TSACC: variants seen among roughly 807,000 people sequenced by gnomAD.
TSACC encodes the protein TSSK6-activating co-chaperone protein.
TSACC carries 3 observed loss-of-function variants against 6.9 expected under a neutral mutation model. The observed-to-expected ratio is 0.43, with a 90% CI of 0.20 to 1.12. The LOEUF (loss-of-function observed/expected upper bound fraction) is 1.12. Among genes scored for constraint, TSACC ranks in the 50% most tolerant of loss-of-function variants. TSACC has a pLI of 0.28. For missense variants in TSACC, 137 were observed against 143.9 expected, an observed-to-expected ratio of 0.95 and a Z score of 0.24; for synonymous variants, 54 against 55.1, an observed-to-expected ratio of 0.98 and a Z score of 0.09.
chr1:156,343,531 T>C (rs1248747123), intron 2 of TSACC, among the ~76,000 whole-genome samples: 1 of 152,162 alleles, frequency 6.6e-6, no homozygotes, highest in Non-Finnish European at 1.5e-5. Flanking sequence ...AAAGTAAATT[T>C]CTTAGACACA....
chr1:156,344,316 G>C (rs1666048219), intron 2 of TSACC, among the ~76,000 whole-genome samples: 1 of 152,072 alleles, frequency 6.6e-6, no homozygotes, highest in African/African-American at 2.4e-5. Flanking sequence ...CACATCTTAT[G>C]TATACCCTAG....
chr1:156,338,017 C>T (rs565529811), upstream of TSACC: 6 of 933,080 alleles, frequency 6.4e-6, no homozygotes, highest in Non-Finnish European at 1.0e-5. Flanking sequence ...AAGCGGGACA[C>T]TGGGCTTCCA....
intron 2 of TSACC, among the ~76,000 whole-genome samples, chr1:156,343,929 G>T (rs1033213213): frequency 8.6e-5 from 13 of 151,916 alleles, no homozygotes; most frequent in African/African-American, 3.1e-4. Flanking sequence ...TAGTAGAGAC[G>T]GAGTTTTACC....
At chr1:156,344,740 T>A (rs774204823) in intron 3 of TSACC, 32 bp downstream of exon 3, 3 of 1,608,240 alleles carry the variant, frequency 1.9e-6, no homozygotes, top group Non-Finnish European at 2.5e-6. Flanking sequence ...TCTAATGGAC[T>A]CAACAGGGGG....
upstream of TSACC, chr1:156,338,132 T>G (rs1229526472): frequency 6.3e-7 from 1 of 1,578,730 alleles, no homozygotes; most frequent in Non-Finnish European, 8.6e-7. Flanking sequence ...GGGGTCCATT[T>G]CCTGGCATCC....
Position 156,339,309 on chromosome 1 carries a change from C to T in TSACC, c.-124-325C>T, listed in dbSNP as rs1402152103. Among the ~76,000 whole-genome samples, 3 of 151,164 alleles carry T rather than the reference C, an allele frequency of 2.0e-5. No homozygotes were observed. The East Asian group carries it at 5.8e-4, about 29-fold the overall frequency. On this transcript the variant is annotated intron_variant, in intron 1 of 3. Coordinates refer to ENST00000368254, the MANE Select transcript of TSACC (RefSeq NM_001304817.2). ...CCCTGTGGTGCTTTGAGATTTTTTTCCCCCACATCCATCCCTCTCCCGCTG... is the reference window on the plus strand; with the variant it reads ...CCCTGTGGTGCTTTGAGATTTTTTTTCCCCACATCCATCCCTCTCCCGCTG...
intron 2 of TSACC, among the ~76,000 whole-genome samples, chr1:156,342,799 AG>A (rs1412275386): frequency 3.3e-5 from 5 of 152,262 alleles, no homozygotes; most frequent in Non-Finnish European, 7.3e-5. Context: ...TGGTATCCAC[AG>A]CGATGACACA....
intron 2 of TSACC, 136 bp downstream of exon 2, chr1:156,339,927 GT>G: frequency 1.2e-6 from 1 of 865,854 alleles, no homozygotes; most frequent in Non-Finnish European, 1.8e-6. Flanking sequence ...GTAATTATTT[GT>G]TAAATGAATT....
At chr1:156,338,228 GCAGAACCTTCTGGAGAGAGAGAACCAGA>G, upstream of TSACC, 1 of 1,563,990 alleles carries the variant, frequency 6.4e-7, no homozygotes, top group African/African-American at 1.3e-5. Context: ...GGGGGAACCG[GCAGAACCTTCTGGAGAGAGAGAACCAGA>G]CAGAAGCCCA....
chr1:156,337,393 G>A (rs1167778305), upstream of TSACC: 1 of 174,736 alleles, frequency 5.7e-6, no homozygotes, highest in Non-Finnish European at 1.2e-5. Context: ...GGGTGACAGA[G>A]CGAGACTTTG....
At chr1:156,342,062 C>CAAAAAAAA (rs554820517) in intron 2 of TSACC, among the ~76,000 whole-genome samples, 1 of 57,270 alleles carries the variant, frequency 1.7e-5, no homozygotes. Flanking sequence ...ACTCCGTCTC[C>CAAAAAAAA]AAAAAAAAAA....
intron 2 of TSACC, among the ~76,000 whole-genome samples, chr1:156,342,333 C>G (rs1665942829): frequency 6.6e-6 from 1 of 152,116 alleles, no homozygotes; most frequent in Non-Finnish European, 1.5e-5. Flanking sequence ...CCCAGTAACC[C>G]AGTGCAAAAG....
chr1:156,346,921 C>G lies in TSACC; in HGVS notation c.317C>G (p.Ser106Cys). The G allele has an allele frequency of 1.9e-6, 3 of 1,614,216 alleles. No individual in the cohort carries two copies. Among genetic ancestry groups the G allele is most frequent in the Non-Finnish European group, 2.5e-6 (3 of 1,180,046 alleles). Reference protein sequence around the residue: ...QLAPGRGSNNSSLPALSPNPL... With the variant: ...QLAPGRGSNNCSLPALSPNPL... ...GCTCCTGGGAGGGGAAGCAATAACT[C>G]TTCTCTCCCAGCCTTATCTCCTAAT... Residue 106 changes from serine (S) to cysteine (C), a missense_variant, in exon 4 of 4, where the codon TCT becomes TGT. Transcript: ENST00000368254.
chr1:156,337,865 G>A, upstream of TSACC: 1 of 502,334 alleles, frequency 2.0e-6, no homozygotes, highest in South Asian at 3.0e-5. Flanking sequence ...CGCAGGGGCG[G>A]GGGAAGCGTG....
chr1:156,338,291 A>G, upstream of TSACC: 1 of 1,078,146 alleles, frequency 9.3e-7, no homozygotes, highest in Non-Finnish European at 1.4e-6. Flanking sequence ...CTCAGGGCTT[A>G]CACCTCAACC....
chr1:156,344,159 A>G (rs1270512440), intron 2 of TSACC, among the ~76,000 whole-genome samples: 3 of 152,164 alleles, frequency 2.0e-5, no homozygotes, highest in South Asian at 2.1e-4. Flanking sequence ...CTTTAATCAC[A>G]TAGTATAACT....
chr1:156,343,491 A>T (rs61814809), intron 2 of TSACC, among the ~76,000 whole-genome samples: 32,181 of 152,068 alleles, frequency 0.21, 3,679 homozygotes, highest in South Asian at 0.35. Context: ...GGGCCCAACC[A>T]TACATTTTCT....
In TSACC at chr1:156,346,793, A is replaced by G; in HGVS notation, c.189A>G (p.Leu63=). ...TTGATCACAAGCCCAAGGAATGCCT[A>G]GGACTCCTGGAATGTATGTATGCAA... ...PSVDHKPKEC[L]GLLECMYANL... is the part of the protein sequence containing the mutation. The change falls in exon 4 of 4, where the codon CTA becomes CTG. Residue 63 remains leucine (L), a synonymous_variant. Coordinates refer to ENST00000368254, the MANE Select transcript of TSACC (RefSeq NM_001304817.2). The G allele has an allele frequency of 6.2e-7, 1 of 1,614,148 alleles. No homozygotes were observed. Among genetic ancestry groups the G allele is most frequent in the South Asian group, 1.1e-5 (1 of 91,076 alleles).
At chr1:156,338,215 G>A, upstream of TSACC, 1 of 1,578,432 alleles carries the variant, frequency 6.3e-7, no homozygotes, top group Non-Finnish European at 8.6e-7. Flanking sequence ...GGTACCCAGA[G>A]CTGGGGGAAC....
Sources: allele counts gnomAD v4.1 joint callset (sites outside exome capture counted in the v4.1 genomes callset), GRCh38; gene constraint gnomAD v4.1.1; transcripts MANE v1.5; gene names NCBI Gene and HGNC (gene_info 2026-07-23, HGNC 2026-07-21).